The following ENY2 variants were observed in gnomAD, a reference collection of about 807,000 sequenced individuals.
ENY2 encodes transcription and mRNA export factor ENY2.
A neutral mutation model predicts 15.9 loss-of-function variants in ENY2; 4 were observed. The observed-to-expected ratio is 0.25, with a 90% CI of 0.12 to 0.57. The LOEUF (loss-of-function observed/expected upper bound fraction) is 0.57, where lower values mean the gene tolerates loss of function less well. Among genes scored for constraint, ENY2 ranks in the 20% least tolerant of loss-of-function variants. ENY2 has a pLI of 0.91. For missense variants in ENY2, 54 were observed against 117.2 expected, an observed-to-expected ratio of 0.46 and a Z score of 2.49; for synonymous variants, 48 against 38.0, an observed-to-expected ratio of 1.26 and a Z score of -0.97.
intron 3 of ENY2, among the ~76,000 whole-genome samples, chr8:109,340,155 C>T (rs116952710): frequency 0.016 from 2,506 of 152,080 alleles, 22 homozygotes; most frequent in Non-Finnish European, 0.025. Flanking sequence ...TTGTAAAGCA[C>T]CTAATAGAGA....
In ENY2 at chr8:109,344,700, G is replaced by A. The variant is rs1263630356; in HGVS notation, c.*1219G>A. ...GGCTTTAAGATTCTGTATTTCTGGC[G>A]AGTACCCAACTGGTGCTCATGCTGC... On this transcript the variant is annotated 3_prime_UTR_variant, in exon 5 of 5. Transcript: ENST00000521688. The A allele has an allele frequency of 4.6e-5, 7 of 152,166 alleles. No homozygotes were observed. In the South Asian group the frequency reaches 8.3e-4, roughly 18 times the overall value. 9.4% of individuals were successfully genotyped at this position (152,166 alleles called of 1,614,324 possible).
Position 109,339,623 on chromosome 8 carries a change from A to G in ENY2, c.154+233A>G, listed in dbSNP as rs770952281. 206 of 429,990 alleles carry G rather than the reference A, an allele frequency of 4.8e-4. 1 individual carries two copies. The highest frequency in any genetic ancestry group is 7.5e-4 in the Non-Finnish European group (181 of 242,204). The allele number at this position is 429,990 out of a possible 1,614,324, so 26.6% of individuals were successfully genotyped here. ...TTAAGATTTTCTCTGGCATCAGAAT[A>G]TGGAATCTCATGTCTTTCAGCAACT... is the stretch of plus-strand genomic sequence containing the variant. On this transcript the variant is annotated intron_variant, in intron 3 of 4. Transcript: ENST00000521688.
Position 109,345,072 on chromosome 8 carries a change from C to A in ENY2, c.*1591C>A, listed in dbSNP as rs1047205776. 3.3e-5 allele frequency: 5 copies of A among 152,152 alleles called. No individual in the cohort carries two copies. Among genetic ancestry groups the A allele is most frequent in the Non-Finnish European group, 7.3e-5 (5 of 68,050 alleles). The allele number at this position is 152,152 out of a possible 1,614,324, so 9.4% of individuals were successfully genotyped here. Reference sequence around the variant, plus strand: ...GTAAGTACCTTTGAACCCAGAAGCCCCCTTTCTCATATGTTTCTCATTCCT... The same window carrying A: ...GTAAGTACCTTTGAACCCAGAAGCCACCTTTCTCATATGTTTCTCATTCCT... On this transcript the variant is annotated 3_prime_UTR_variant, in exon 5 of 5. Coordinates refer to ENST00000521688, the MANE Select transcript of ENY2 (RefSeq NM_020189.6).
chr8:109,339,122 A>G lies in ENY2; in HGVS notation c.84-198A>G, dbSNP rs190979659. 1.3e-4 allele frequency: 76 copies of G among 580,516 alleles called. No individual in the cohort carries two copies. In the Admixed American group the frequency reaches 1.5e-3, roughly 11 times the overall value. 36.0% of individuals were successfully genotyped at this position (580,516 alleles called of 1,614,324 possible). ...ATTTCACTCATTAAATGAGACCCAGATGAAATGAAAGGCCTAGAATTTAAG... is the reference window on the plus strand; with the variant it reads ...ATTTCACTCATTAAATGAGACCCAGGTGAAATGAAAGGCCTAGAATTTAAG... On this transcript the variant is annotated intron_variant, in intron 2 of 4. Coordinates refer to ENST00000521688, the MANE Select transcript of ENY2 (RefSeq NM_020189.6).
chr8:109,342,592 G>A (rs1009504953), intron 4 of ENY2: 21 of 615,930 alleles, frequency 3.4e-5, no homozygotes, highest in Middle Eastern at 4.3e-4. Context: ...TCACTAGCCC[G>A]GATCTCCCAG....
chr8:109,343,213 A>G (rs1344769245), intron 4 of ENY2, among the ~76,000 whole-genome samples, 192 bp from the exon 5 acceptor site: 1 of 152,186 alleles, frequency 6.6e-6, no homozygotes, highest in Non-Finnish European at 1.5e-5. Flanking sequence ...TAGGCATTGG[A>G]TAGTTCATTT....
chr8:109,336,337 ATCTGG>A, intron 2 of ENY2, 133 bp downstream of exon 2: 1 of 800,820 alleles, frequency 1.2e-6, no homozygotes, highest in Admixed American at 2.8e-5. Context: ...TATTCCGAAC[ATCTGG>A]AAAAAATAAT....
rs564895862 is a variant in ENY2, at chr8:109,345,482, C to A, written c.*2001C>A. ...GGGCTTAATTATGTAAAGTTTTGAG[C>A]CTGAGATAAGCACACAATCACAAAA... On this transcript the variant is annotated 3_prime_UTR_variant, in exon 5 of 5. Transcript: ENST00000521688. 6.6e-5 allele frequency: 10 copies of A among 152,134 alleles called. No individual in the cohort carries two copies. Among genetic ancestry groups the A allele is most frequent in the South Asian group, 4.2e-4 (2 of 4,818 alleles). The allele number at this position is 152,134 out of a possible 1,614,324, so 9.4% of individuals were successfully genotyped here. A position where few individuals can be genotyped will look rare whatever the true frequency, so the allele number is the denominator to read the frequency against.
At chr8:109,339,591 T>C in intron 3 of ENY2, 1 of 477,938 alleles carries the variant, frequency 2.1e-6, no homozygotes, top group Non-Finnish European at 3.7e-6. Context: ...CTGTTAAGCG[T>C]GAGCACTTAA....
Position 109,334,398 on chromosome 8 carries a change from G to T in ENY2, c.-71G>T. ...GGGTCTAAGTCCGGGCAGCCGAAGAGTGTGGTAGGTAACGGTCCTCAGCGC... is the reference window on the plus strand; with the variant it reads ...GGGTCTAAGTCCGGGCAGCCGAAGATTGTGGTAGGTAACGGTCCTCAGCGC... On this transcript the variant is annotated 5_prime_UTR_variant, in exon 1 of 5. Coordinates refer to ENST00000521688, the MANE Select transcript of ENY2 (RefSeq NM_020189.6). The T allele has an allele frequency of 6.2e-7, 1 of 1,610,934 alleles. No individual in the cohort carries two copies. Among genetic ancestry groups the T allele is most frequent in the Non-Finnish European group, 8.5e-7 (1 of 1,178,172 alleles).
intron 4 of ENY2, among the ~76,000 whole-genome samples, chr8:109,341,390 C>G (rs750515020): frequency 2.0e-5 from 3 of 151,968 alleles, no homozygotes; most frequent in South Asian, 2.1e-4. Context: ...TCCTTGTCAG[C>G]CATCTCTTTA....
At chr8:109,334,615 C>T (rs1586322960) in intron 1 of ENY2, 141 bp downstream of exon 1, 2 of 980,010 alleles carry the variant, frequency 2.0e-6, no homozygotes, top group East Asian at 2.9e-5. Context: ...CGGAGTTGGC[C>T]TGAAACCAGT....
chr8:109,343,679 T>A lies in ENY2; in HGVS notation c.*198T>A. On this transcript the variant is annotated 3_prime_UTR_variant, in exon 5 of 5. Coordinates refer to ENST00000521688, the MANE Select transcript of ENY2 (RefSeq NM_020189.6). ...CTCATGAATGAGTTTGAAGTTTGCTTGGATTTTGAAATGAATGGGACTTTG... is the reference window on the plus strand; with the variant it reads ...CTCATGAATGAGTTTGAAGTTTGCTAGGATTTTGAAATGAATGGGACTTTG... 2.0e-6 allele frequency: 1 copy of A among 499,238 alleles called. No individual in the cohort carries two copies. Among genetic ancestry groups the A allele is most frequent in the Non-Finnish European group, 3.5e-6 (1 of 287,922 alleles). The allele number at this position is 499,238 out of a possible 1,614,324, so 30.9% of individuals were successfully genotyped here.
At chr8:109,334,534 T>G in intron 1 of ENY2, 60 bp downstream of exon 1, 2 of 1,577,828 alleles carry the variant, frequency 1.3e-6, no homozygotes, top group Non-Finnish European at 8.6e-7. Flanking sequence ...CTCCTTTCGA[T>G]GTACTGTCTT....
chr8:109,343,610 A>G lies in ENY2; in HGVS notation c.*129A>G, dbSNP rs1434211492. 1.3e-5 allele frequency: 8 copies of G among 594,354 alleles called. No individual in the cohort carries two copies. The East Asian group carries it at 1.9e-4, about 14-fold the overall frequency. The allele number at this position is 594,354 out of a possible 1,614,324, so 36.8% of individuals were successfully genotyped here. ...TACAGTTTTCAGTAATGATGTATAC[A>G]TTGTATTGATTTTTTTCCCTAAATG... On this transcript the variant is annotated 3_prime_UTR_variant, in exon 5 of 5. Coordinates refer to ENST00000521688, the MANE Select transcript of ENY2 (RefSeq NM_020189.6).
chr8:109,334,754 G>T (rs1393022040), intron 1 of ENY2: 2 of 508,622 alleles, frequency 3.9e-6, no homozygotes, highest in African/African-American at 4.0e-5. Flanking sequence ...AGAAAACTGA[G>T]GCCTTTAAGA....
intron 2 of ENY2, chr8:109,336,462 A>G (rs888505432): frequency 6.0e-5 from 21 of 350,992 alleles, no homozygotes; most frequent in African/African-American, 4.2e-4. Context: ...TACATACCTG[A>G]ATTACAACTG....
chr8:109,335,832 A>T (rs1193819731), intron 1 of ENY2: 1 of 209,618 alleles, frequency 4.8e-6, no homozygotes, highest in Non-Finnish European at 9.4e-6. Context: ...TCCACTTTCT[A>T]TCTCTGTGCC....
intron 1 of ENY2, chr8:109,334,985 C>T (rs16879338): frequency 6.5e-6 from 1 of 153,202 alleles, no homozygotes; most frequent in Admixed American, 6.5e-5. Flanking sequence ...CATTGCCAGT[C>T]TGAATTTTCA....
Sources: gnomAD v4.1 joint callset for allele counts (sites outside exome capture counted in the v4.1 genomes callset) on GRCh38, gnomAD v4.1.1 for gene constraint, MANE v1.5 for transcripts, NCBI Gene and HGNC (gene_info 2026-07-23, HGNC 2026-07-21) for gene names.